PLCL1: variants seen among roughly 807,000 people sequenced by gnomAD.
PLCL1 encodes inactive phospholipase C-like protein 1.
PLCL1 carries 41 observed loss-of-function variants against 84.4 expected under a neutral mutation model. That is an observed-to-expected ratio of 0.49 (90% CI 0.38 to 0.63). The LOEUF is 0.63. PLCL1 is among the 30% of genes least tolerant of loss of function. PLCL1 has a pLI of 0.00. For missense variants in PLCL1, 1,206 were observed against 1,367.8 expected, an observed-to-expected ratio of 0.88 and a Z score of 1.87; for synonymous variants, 490 against 488.3, an observed-to-expected ratio of 1.00 and a Z score of -0.05.
intron 1 of PLCL1, among the ~76,000 whole-genome samples, chr2:197,899,132 A>G (rs779028331): frequency 6.6e-6 from 1 of 152,180 alleles, no homozygotes; most frequent in African/African-American, 2.4e-5. Flanking sequence ...CTCTGCTCTC[A>G]TGGAATTTAC....
At chr2:197,880,490 T>C (rs988781746) in intron 1 of PLCL1, among the ~76,000 whole-genome samples, 22 of 152,182 alleles carry the variant, frequency 1.4e-4, no homozygotes, top group Non-Finnish European at 2.8e-4. Context: ...TTTTTACTTT[T>C]TAAGTAATTT....
rs1692784004 is a variant in PLCL1, at chr2:198,083,915, G to A, written c.398G>A (p.Arg133His). Residue 133 changes from arginine (R) to histidine (H), a missense_variant, in exon 2 of 6, where the codon CGT becomes CAT. Coordinates refer to ENST00000428675, the MANE Select transcript of PLCL1 (RefSeq NM_006226.4). Reference protein sequence around the residue: ...KVRPNSRIYNRFFTLDTDLQA... With the variant: ...KVRPNSRIYNHFFTLDTDLQA... Reference sequence around the variant, plus strand: ...CGGCCAAATTCTCGCATTTACAACCGTTTTTTCACTCTGGACACAGACCTT... The same window carrying A: ...CGGCCAAATTCTCGCATTTACAACCATTTTTTCACTCTGGACACAGACCTT... 3 of 1,614,054 alleles carry A rather than the reference G, an allele frequency of 1.9e-6. No individual in the cohort carries two copies. Among genetic ancestry groups the A allele is most frequent in the East Asian group, 2.2e-5 (1 of 44,884 alleles).
chr2:197,819,913 TG>T (rs1690781441), intron 1 of PLCL1, among the ~76,000 whole-genome samples: 1 of 151,846 alleles, frequency 6.6e-6, no homozygotes, highest in African/African-American at 2.4e-5. Flanking sequence ...TGTGTGTGTG[TG>T]TGTGTGTATG....
intron 1 of PLCL1, among the ~76,000 whole-genome samples, chr2:197,818,722 G>C (rs757917026): frequency 2.0e-5 from 3 of 152,048 alleles, no homozygotes; most frequent in Non-Finnish European, 4.4e-5. Context: ...GCATTTAACT[G>C]TCTCCTTCTC....
intron 1 of PLCL1, among the ~76,000 whole-genome samples, chr2:198,045,605 C>T (rs1691767445): frequency 6.6e-6 from 1 of 152,050 alleles, no homozygotes; most frequent in Non-Finnish European, 1.5e-5. Flanking sequence ...TTAATATAAG[C>T]ACTTGAGAGG....
At chr2:197,952,194 C>T (rs894459256) in intron 1 of PLCL1, among the ~76,000 whole-genome samples, 1 of 152,120 alleles carries the variant, frequency 6.6e-6, no homozygotes, top group African/African-American at 2.4e-5. Flanking sequence ...CTTTTCTTCT[C>T]TGTGGGATTC....
At chr2:197,964,421 A>G (rs1413415411) in intron 1 of PLCL1, among the ~76,000 whole-genome samples, 1 of 152,160 alleles carries the variant, frequency 6.6e-6, no homozygotes, top group Non-Finnish European at 1.5e-5. Flanking sequence ...GCATATAGAC[A>G]TGCTACTGAT....
At chr2:198,058,773 G>T (rs1247796725) in intron 1 of PLCL1, among the ~76,000 whole-genome samples, 2 of 151,990 alleles carry the variant, frequency 1.3e-5, no homozygotes, top group Admixed American at 6.6e-5. Flanking sequence ...TTAGATTTTA[G>T]TATAAAGACA....
Position 197,805,232 on chromosome 2 carries a change from C to G in PLCL1, c.133C>G (p.Arg45Gly), listed in dbSNP as rs1690446444. Residue 45 changes from arginine (R) to glycine (G), a missense_variant, in exon 1 of 6, where the codon CGT becomes GGT. Physicochemically the swap from Arg to Gly is moderately radical, Grantham distance 125. Coordinates refer to ENST00000428675, the MANE Select transcript of PLCL1 (RefSeq NM_006226.4). The surrounding 1 kb of genome is among the most constrained non-coding windows in gnomAD (Gnocchi z 4.0). ...TAASGGRMRD[R>G]RSGVALPGAA... ...GGCCTCTGGGGGCCGGATGAGGGACCGTCGCAGCGGGGTCGCACTGCCAGG... is the reference window on the plus strand; with the variant it reads ...GGCCTCTGGGGGCCGGATGAGGGACGGTCGCAGCGGGGTCGCACTGCCAGG... 15 of 1,272,106 alleles carry G rather than the reference C, an allele frequency of 1.2e-5. No homozygotes were observed. The East Asian group carries it at 4.7e-4, about 40-fold the overall frequency. The allele number at this position is 1,272,106 out of a possible 1,614,324, so 78.8% of individuals were successfully genotyped here.
chr2:197,825,529 C>T (rs1284192846), intron 1 of PLCL1, among the ~76,000 whole-genome samples: 1 of 152,158 alleles, frequency 6.6e-6, no homozygotes, highest in Non-Finnish European at 1.5e-5. Flanking sequence ...TCTGTAGCTC[C>T]TACTAAGTGC....
intron 1 of PLCL1, among the ~76,000 whole-genome samples, chr2:197,869,937 T>C (rs1415045272): frequency 6.6e-6 from 1 of 151,992 alleles, no homozygotes; most frequent in Non-Finnish European, 1.5e-5. Context: ...TGTAAAAAGG[T>C]TTCAAGCATA....
chr2:198,126,130 A>AT (rs774660856), intron 5 of PLCL1, among the ~76,000 whole-genome samples: 38 of 152,076 alleles, frequency 2.5e-4, no homozygotes, highest in Non-Finnish European at 4.7e-4. Flanking sequence ...AATAGATTTC[A>AT]TTTTTCTTTG....
intron 1 of PLCL1, among the ~76,000 whole-genome samples, chr2:197,939,056 G>T (rs537779093): frequency 2.7e-4 from 41 of 152,288 alleles, no homozygotes; most frequent in South Asian, 1.4e-3. Flanking sequence ...AATGGGGGTG[G>T]TGGTGAGAAG....
At chr2:197,936,653 C>G (rs1689060673) in intron 1 of PLCL1, among the ~76,000 whole-genome samples, 1 of 152,054 alleles carries the variant, frequency 6.6e-6, no homozygotes, top group African/African-American at 2.4e-5. Flanking sequence ...ATATTAACTT[C>G]TTATCAGATG....
At chr2:198,034,283 T>C (rs1691501909) in intron 1 of PLCL1, among the ~76,000 whole-genome samples, 1 of 152,202 alleles carries the variant, frequency 6.6e-6, no homozygotes, top group Non-Finnish European at 1.5e-5. Flanking sequence ...CTGAGAATGA[T>C]GGTTTCCAAC....
In PLCL1 at chr2:198,084,066, G is replaced by A. The variant is rs368215936; in HGVS notation, c.549G>A (p.Gln183=). The part of the protein sequence containing the change: ...ETFRNNGLAD[Q]ICEDCAFSIL... ...TTAGAAACAATGGCCTTGCTGACCA[G>A]ATCTGTGAGGACTGTGCCTTTTCCA... The change falls in exon 2 of 6, where the codon CAG becomes CAA. Residue 183 remains glutamine, a synonymous_variant. Transcript: ENST00000428675. 3.1e-6 allele frequency: 5 copies of A among 1,614,064 alleles called. No homozygotes were observed. The highest frequency in any genetic ancestry group is 3.4e-6 in the Non-Finnish European group (4 of 1,180,008).
chr2:197,914,317 T>G (rs1342014251), intron 1 of PLCL1, among the ~76,000 whole-genome samples: 2 of 152,120 alleles, frequency 1.3e-5, no homozygotes, highest in Non-Finnish European at 2.9e-5. Flanking sequence ...TGCTTTCACA[T>G]TAAATTTTTA....
intron 1 of PLCL1, among the ~76,000 whole-genome samples, chr2:197,923,150 GC>G (rs1292215259): frequency 6.9e-6 from 1 of 144,672 alleles, no homozygotes; most frequent in Non-Finnish European, 1.5e-5. Context: ...CCCAGTAGGG[GC>G]GGCCGGGCAG....
Position 197,805,051 on chromosome 2 carries a change from G to A in PLCL1, c.-49G>A. Reference sequence around the variant, plus strand: ...CACCGGTGCCTAGCGGCTGGACTCCGCTGCCGGGCGTCCCGCTTTCCCCCG... The same window carrying A: ...CACCGGTGCCTAGCGGCTGGACTCCACTGCCGGGCGTCCCGCTTTCCCCCG... On this transcript the variant is annotated 5_prime_UTR_variant, in exon 1 of 6. Transcript: ENST00000428675. This position sits in a 1 kb window ranked among gnomAD's most constrained non-coding sequence, Gnocchi z 4.0. The A allele has an allele frequency of 1.4e-6, 2 of 1,417,694 alleles. No individual in the cohort carries two copies. The highest frequency in any genetic ancestry group is 2.9e-5 in the Admixed American group (1 of 34,412). The allele number at this position is 1,417,694 out of a possible 1,614,324, so 87.8% of individuals were successfully genotyped here.
Sources: gnomAD v4.1 joint callset for allele counts (sites outside exome capture counted in the v4.1 genomes callset) on GRCh38, gnomAD v4.1.1 for gene constraint, Gnocchi (gnomAD v3.1) non-coding constraint, MANE v1.5 for transcripts, NCBI Gene and HGNC (gene_info 2026-07-23, HGNC 2026-07-21) for gene names.